Variants in TSPEAR observed in about 807,000 individuals in gnomAD.
TSPEAR encodes the protein thrombospondin type laminin G domain and EAR repeats, also known as thrombospondin-type laminin G domain and EAR repeat-containing protein.
Under a neutral mutation model 71.6 loss-of-function variants are expected in TSPEAR, and 69 were observed. That is an observed-to-expected ratio of 0.96 (90% confidence interval 0.79 to 1.18). TSPEAR has a LOEUF of 1.18. Among genes scored for constraint, TSPEAR ranks in the 50% most tolerant of loss-of-function variants. The pLI is 0.00. For synonymous variants in TSPEAR, 402 were observed against 387.2 expected, an observed-to-expected ratio of 1.04 and a Z score of -0.45; for missense variants, 971 against 894.9, an observed-to-expected ratio of 1.09 and a Z score of -1.09.
rs145231394 is a variant in TSPEAR at position 44,567,957 on chromosome 21, G to A, written c.131C>T (p.Ala44Val). The A allele has an allele frequency of 6.3e-5, 100 of 1,576,776 alleles. 1 individual carries two copies. The South Asian group carries it at 8.3e-4, about 13-fold the overall frequency. ...CTGAACTATCCTGATCCCGCTTGTG[G>A]CGCCATCAGAAGGGACCACTTCCGC... ...ILAEVVPSDG[A>V]TSGIRIVQVH... Residue 44 changes from alanine to valine, a missense_variant, in exon 2 of 12, where the codon GCC becomes GTC. Ala to Val is a moderately conservative substitution (Grantham distance 64). Coordinates refer to ENST00000323084, the MANE Select transcript of TSPEAR (RefSeq NM_144991.3).
intron 2 of TSPEAR, among the ~76,000 whole-genome samples, chr21:44,541,310 G>A (rs1030801337): frequency 1.3e-5 from 2 of 152,292 alleles, no homozygotes; most frequent in South Asian, 2.1e-4. Flanking sequence ...AGCTCTGAAC[G>A]CGATTCCATT....
Position 44,575,193 on chromosome 21 carries a change from G to A in TSPEAR, c.83-7188C>T, listed in dbSNP as rs183574365. On this transcript the variant is annotated intron_variant, in intron 1 of 11. Coordinates refer to ENST00000323084, the MANE Select transcript of TSPEAR (RefSeq NM_144991.3). ...ATGCTGCAGCCCTCTTGCGGGGGGAGGGGGGCGCTTCTAGAAAGTTCCCAT... is the reference window on the plus strand; with the variant it reads ...ATGCTGCAGCCCTCTTGCGGGGGGAAGGGGGCGCTTCTAGAAAGTTCCCAT... The A allele has an allele frequency of 5.8e-5, 42 of 728,582 alleles. No individual in the cohort carries two copies. In the East Asian group the frequency reaches 1.1e-3, roughly 20 times the overall value. 45.1% of individuals were successfully genotyped at this position (728,582 alleles called of 1,614,324 possible).
chr21:44,705,710 C>G lies in TSPEAR; in HGVS notation c.82+5723G>C, dbSNP rs949318764. Among the ~76,000 whole-genome samples the G allele has an allele frequency of 1.1e-4, 17 of 152,318 alleles. No individual in the cohort carries two copies. In the East Asian group the frequency reaches 2.5e-3, roughly 22 times the overall value. On this transcript the variant is annotated intron_variant, in intron 1 of 11. Transcript: ENST00000323084. The stretch of plus-strand genomic sequence containing the variant: ...TGGTCAGACCGGTTGATCTCAAAAC[C>G]CTGTCTCCTGATAAGATGTTATCAA...
chr21:44,624,252 C>T (rs1555933974), intron 1 of TSPEAR, among the ~76,000 whole-genome samples: 1 of 152,184 alleles, frequency 6.6e-6, no homozygotes, highest in Non-Finnish European at 1.5e-5. Context: ...CTGTTTGATT[C>T]CATTTCATAA....
At chr21:44,603,810 A>G (rs1254342969) in intron 1 of TSPEAR, among the ~76,000 whole-genome samples, 1 of 152,250 alleles carries the variant, frequency 6.6e-6, no homozygotes, top group Non-Finnish European at 1.5e-5. Context: ...ATCCCTGGTG[A>G]AAGAACCAAT....
intron 1 of TSPEAR, among the ~76,000 whole-genome samples, chr21:44,568,429 T>C (rs948900061): frequency 3.9e-5 from 6 of 152,190 alleles, no homozygotes; most frequent in Non-Finnish European, 5.9e-5. Context: ...TCCTGTCTGC[T>C]GGCCTCCCTT....
intron 11 of TSPEAR, among the ~76,000 whole-genome samples, chr21:44,503,824 C>T (rs1423802778): frequency 3.6e-5 from 5 of 138,396 alleles, no homozygotes; most frequent in African/African-American, 5.7e-5. Flanking sequence ...GGAAGCAAGG[C>T]GCTGGGAGGA....
chr21:44,611,345 T>C (rs1555930884), intron 1 of TSPEAR, among the ~76,000 whole-genome samples: 1 of 152,116 alleles, frequency 6.6e-6, no homozygotes. Context: ...TGGTAGTGAA[T>C]AAGTCTCACA....
rs782686290 is a variant in TSPEAR, at chr21:44,625,381, C to T, written c.83-57376G>A. 6.0e-4 allele frequency among the ~76,000 whole-genome samples: 92 copies of T among 152,126 alleles called. 1 individual carries two copies. Among genetic ancestry groups the T allele is most frequent in the Non-Finnish European group, 1.3e-4 (9 of 68,026 alleles). ...GCCAAGGCAGGAGGATCACTTGAGCCCAGGAGTTCAAGACCAGCTGGGCAA... is the reference window on the plus strand; with the variant it reads ...GCCAAGGCAGGAGGATCACTTGAGCTCAGGAGTTCAAGACCAGCTGGGCAA... On this transcript the variant is annotated intron_variant, in intron 1 of 11. Coordinates refer to ENST00000323084, the MANE Select transcript of TSPEAR (RefSeq NM_144991.3).
intron 1 of TSPEAR, among the ~76,000 whole-genome samples, chr21:44,701,943 A>G (rs1987668694): frequency 6.6e-6 from 1 of 151,408 alleles, no homozygotes; most frequent in Non-Finnish European, 1.5e-5. Flanking sequence ...GTCCTTCCAC[A>G]CTCCAGCATC....
In TSPEAR at chr21:44,699,398, A is replaced by AC. The variant is rs1555951225; in HGVS notation, c.82+12034_82+12035insG. 8.2e-5 allele frequency among the ~76,000 whole-genome samples: 12 copies of AC among 147,092 alleles called. No individual in the cohort carries two copies. In the East Asian group the frequency reaches 2.4e-3, roughly 29 times the overall value. On this transcript the variant is annotated intron_variant, in intron 1 of 11. Transcript: ENST00000323084. ...GTCTCAAAAAAAAAAAAAAAAAAAA[A>AC]GGGTTGGGGAAAGAAAAGGGGTGCA... is the stretch of plus-strand genomic sequence containing the variant.
intron 1 of TSPEAR, among the ~76,000 whole-genome samples, chr21:44,626,497 C>T (rs1555934367): frequency 1.3e-5 from 2 of 151,790 alleles, no homozygotes; most frequent in African/African-American, 4.9e-5. Flanking sequence ...CCCGAAACCA[C>T]AGCCCACGAT....
At chr21:44,697,825 C>A in intron 1 of TSPEAR, 1 of 1,613,630 alleles carries the variant, frequency 6.2e-7, no homozygotes, top group Non-Finnish European at 8.5e-7. Flanking sequence ...CCGCCCGCCG[C>A]GTGCCCGTCC....
chr21:44,683,292 C>T (rs868943588), intron 1 of TSPEAR, among the ~76,000 whole-genome samples: 9 of 117,414 alleles, frequency 7.7e-5, no homozygotes, highest in East Asian at 2.7e-4. Context: ...CAGTAACTGA[C>T]GGCTAGAACA....
intron 5 of TSPEAR, among the ~76,000 whole-genome samples, chr21:44,529,079 G>T (rs1418682344): frequency 6.6e-6 from 1 of 152,180 alleles, no homozygotes; most frequent in East Asian, 1.9e-4. Context: ...GCCGGTGCTG[G>T]CCAGCGGTGT....
chr21:44,603,999 C>T (rs587670409), intron 1 of TSPEAR, among the ~76,000 whole-genome samples: 35 of 152,348 alleles, frequency 2.3e-4, no homozygotes, highest in African/African-American at 5.3e-4. Context: ...CTCCTGGGCA[C>T]GTGGGCTGGC....
intron 2 of TSPEAR, among the ~76,000 whole-genome samples, chr21:44,556,369 G>A (rs1032627406): frequency 6.6e-5 from 10 of 150,658 alleles, no homozygotes; most frequent in Admixed American, 1.3e-4. Flanking sequence ...AGTGATACCC[G>A]CTCTCAAAAA....
chr21:44,572,384 G>A (rs115172519), intron 1 of TSPEAR, among the ~76,000 whole-genome samples: 1,648 of 152,234 alleles, frequency 0.011, 29 homozygotes, highest in African/African-American at 0.038. Flanking sequence ...ACCAACCTGC[G>A]GTGGTGTCGG....
intron 1 of TSPEAR, among the ~76,000 whole-genome samples, chr21:44,617,131 C>T (rs1982153224): frequency 6.6e-6 from 1 of 152,218 alleles, no homozygotes; most frequent in African/African-American, 2.4e-5. Flanking sequence ...CTCCACACCC[C>T]CAGCATGGCC....
Sources: gnomAD v4.1 joint callset for allele counts (sites outside exome capture counted in the v4.1 genomes callset) on GRCh38, gnomAD v4.1.1 for gene constraint, MANE v1.5 for transcripts, NCBI Gene and HGNC (gene_info 2026-07-23, HGNC 2026-07-21) for gene names.